The following SPTLC3 variants were observed in gnomAD, a reference collection of about 807,000 sequenced individuals.
SPTLC3 encodes serine palmitoyltransferase long chain base subunit 3.
SPTLC3 carries 36 observed loss-of-function variants against 59.3 expected under a neutral mutation model. That is an observed-to-expected ratio of 0.61 (90% CI 0.47 to 0.80). The LOEUF is 0.80. SPTLC3 is among the 30% of genes least tolerant of loss of function. The probability of loss-of-function intolerance (pLI) is 0.00; values close to 1 mark genes in which losing one functional copy is unlikely to be tolerated. For synonymous variants in SPTLC3, 257 were observed against 240.8 expected, an observed-to-expected ratio of 1.07 and a Z score of -0.62; for missense variants, 625 against 685.1, an observed-to-expected ratio of 0.91 and a Z score of 0.98.
intron 9 of SPTLC3, among the ~76,000 whole-genome samples, chr20:13,143,431 A>T (rs1053639729): frequency 3.3e-5 from 5 of 152,226 alleles, no homozygotes; most frequent in Non-Finnish European, 5.9e-5. Context: ...AACAGTATGC[A>T]GTGGGCATTA....
intron 7 of SPTLC3, 123 bp downstream of exon 7, chr20:13,110,340 A>G: frequency 1.3e-6 from 1 of 771,934 alleles, no homozygotes. Flanking sequence ...TGACACAGGG[A>G]CCTGAGACAG....
chr20:13,112,043 G>C (rs975940005), intron 7 of SPTLC3, among the ~76,000 whole-genome samples: 1 of 152,214 alleles, frequency 6.6e-6, no homozygotes, highest in Non-Finnish European at 1.5e-5. Context: ...GGTTGCACTA[G>C]CAATAGTGAC....
At chr20:13,015,043 T>C (rs1985456301) in intron 1 of SPTLC3, among the ~76,000 whole-genome samples, 1 of 152,178 alleles carries the variant, frequency 6.6e-6, no homozygotes, top group Non-Finnish European at 1.5e-5. Flanking sequence ...CATGATCAGA[T>C]ACGGTTTCTC....
At chr20:13,140,355 G>A (rs79123570) in intron 9 of SPTLC3, among the ~76,000 whole-genome samples, 2,803 of 152,236 alleles carry the variant, frequency 0.018, 54 homozygotes, top group South Asian at 0.03. Flanking sequence ...GACCATAGAC[G>A]AAAAGGAAGC....
intron 1 of SPTLC3, among the ~76,000 whole-genome samples, chr20:13,036,148 T>A (rs1300164855): frequency 6.6e-6 from 1 of 152,126 alleles, no homozygotes; most frequent in African/African-American, 2.4e-5. Context: ...CATTAGGTGA[T>A]GATTTAAAAA....
At chr20:13,134,871 A>G (rs1484741503) in intron 9 of SPTLC3, among the ~76,000 whole-genome samples, 1 of 152,206 alleles carries the variant, frequency 6.6e-6, no homozygotes, top group Non-Finnish European at 1.5e-5. Context: ...TCTGTGTTTA[A>G]ACCAAAACAT....
At chr20:13,055,635 ATCT>A (rs1987690367) in intron 2 of SPTLC3, among the ~76,000 whole-genome samples, 2 of 152,166 alleles carry the variant, frequency 1.3e-5, no homozygotes, top group South Asian at 2.1e-4. Context: ...AGCAGGTCTA[ATCT>A]TCTTGTTTAT....
chr20:13,043,310 A>T (rs1035348734), intron 1 of SPTLC3, among the ~76,000 whole-genome samples: 1 of 152,156 alleles, frequency 6.6e-6, no homozygotes, highest in African/African-American at 2.4e-5. Flanking sequence ...CTTGTAGATC[A>T]ACTAAGGCCT....
chr20:13,077,160 T>C (rs1370622546), intron 4 of SPTLC3, among the ~76,000 whole-genome samples: 1 of 151,776 alleles, frequency 6.6e-6, no homozygotes, highest in Non-Finnish European at 1.5e-5. Context: ...CAATAAGGTG[T>C]CTCCCACAGT....
intron 8 of SPTLC3, among the ~76,000 whole-genome samples, chr20:13,125,832 G>T (rs1384535105): frequency 6.6e-6 from 1 of 152,210 alleles, no homozygotes; most frequent in Non-Finnish European, 1.5e-5. Flanking sequence ...ACTGAACAAA[G>T]AAAATCACAA....
intron 8 of SPTLC3, among the ~76,000 whole-genome samples, chr20:13,121,306 G>T (rs1231610561): frequency 6.6e-6 from 1 of 152,156 alleles, no homozygotes; most frequent in Non-Finnish European, 1.5e-5. Context: ...CAAATTTGGG[G>T]TGAGCATTAG....
At position 13,164,951 on chromosome 20, in the gene SPTLC3, C is replaced by A. The variant is rs2038965696; in HGVS notation, c.*84C>A. The A allele has an allele frequency of 1.7e-6, 2 of 1,196,214 alleles. No individual in the cohort carries two copies. The highest frequency in any genetic ancestry group is 2.3e-6 in the Non-Finnish European group (2 of 856,396). The allele number at this position is 1,196,214 out of a possible 1,614,324, so 74.1% of individuals were successfully genotyped here. On this transcript the variant is annotated 3_prime_UTR_variant, in exon 12 of 12. Transcript: ENST00000399002. Reference sequence around the variant, plus strand: ...CACAAGGAATATAAATGGATTTCTCCCCCTTCCTCAGGACAATTTTGGTTC... The same window carrying A: ...CACAAGGAATATAAATGGATTTCTCACCCTTCCTCAGGACAATTTTGGTTC...
At chr20:13,053,386 C>T (rs1052340812) in intron 2 of SPTLC3, among the ~76,000 whole-genome samples, 3 of 152,096 alleles carry the variant, frequency 2.0e-5, no homozygotes, top group East Asian at 1.9e-4. Flanking sequence ...AAACCCCATT[C>T]GAAGGTCACC....
intron 9 of SPTLC3, among the ~76,000 whole-genome samples, chr20:13,135,492 T>C (rs181657492): frequency 5.9e-5 from 9 of 152,320 alleles, no homozygotes; most frequent in Middle Eastern, 3.4e-3. Context: ...ATCTAGTGAA[T>C]ATTAGATATT....
intron 2 of SPTLC3, among the ~76,000 whole-genome samples, chr20:13,058,314 G>C (rs1568582112): frequency 6.6e-6 from 1 of 152,168 alleles, no homozygotes; most frequent in Non-Finnish European, 1.5e-5. Context: ...TATGAGATAT[G>C]GTCTTGTCCA....
At chr20:13,014,010 G>A (rs1268772530) in intron 1 of SPTLC3, among the ~76,000 whole-genome samples, 1 of 152,210 alleles carries the variant, frequency 6.6e-6, no homozygotes, top group Non-Finnish European at 1.5e-5. Flanking sequence ...CCCTCTGCAT[G>A]TGGTCTCATT....
At chr20:13,157,195 T>C (rs1344195973) in intron 10 of SPTLC3, among the ~76,000 whole-genome samples, 1 of 151,290 alleles carries the variant, frequency 6.6e-6, no homozygotes, top group African/African-American at 2.4e-5. Flanking sequence ...CCCAACACTT[T>C]AGGAGGCTGA....
At chr20:13,159,735 C>T (rs1327564980) in intron 10 of SPTLC3, among the ~76,000 whole-genome samples, 1 of 152,100 alleles carries the variant, frequency 6.6e-6, no homozygotes, top group African/African-American at 2.4e-5. Context: ...GTGTCAAAGA[C>T]TCAATATCCA....
intron 9 of SPTLC3, among the ~76,000 whole-genome samples, chr20:13,150,369 T>C (rs2038614870): frequency 6.6e-6 from 1 of 152,200 alleles, no homozygotes; most frequent in Non-Finnish European, 1.5e-5. Context: ...TAAGCATATA[T>C]ATATACACAG....
Sources: gnomAD v4.1 joint callset for allele counts (sites outside exome capture counted in the v4.1 genomes callset) on GRCh38, gnomAD v4.1.1 for gene constraint, MANE v1.5 for transcripts, NCBI Gene and HGNC (gene_info 2026-07-23, HGNC 2026-07-21) for gene names.